WWOX: variants seen among roughly 807,000 people sequenced by gnomAD.
WWOX encodes WW domain-containing oxidoreductase.
In WWOX, 69 loss-of-function variants were observed where a neutral mutation model predicts 46.2. The ratio of observed to expected loss-of-function variants is 1.49; its 90% CI spans 1.23 to 1.82. The LOEUF (loss-of-function observed/expected upper bound fraction) is 1.82, where lower values mean the gene tolerates loss of function less well. WWOX is among the 40% of genes most tolerant of loss of function. The probability of loss-of-function intolerance (pLI) is 0.00; values close to 1 mark genes in which losing one functional copy is unlikely to be tolerated. For synonymous variants in WWOX, 359 were observed against 202.6 expected (o/e 1.77, Z -6.56); for missense variants, 919 against 542.6 (o/e 1.69, Z -6.89).
intron 8 of WWOX, among the ~76,000 whole-genome samples, chr16:78,542,987 C>T (rs954360582): frequency 6.6e-6 from 1 of 152,162 alleles, no homozygotes; most frequent in Admixed American, 6.5e-5. Context: ...TTTTTCCTTT[C>T]ATGGTCTACC....
At chr16:78,534,575 T>A (rs1359614670) in intron 8 of WWOX, 1 of 152,186 alleles carries the variant, frequency 6.6e-6, no homozygotes, top group Non-Finnish European at 1.5e-5. Flanking sequence ...ATTCTGGAAA[T>A]CTTGGAAGGT....
At chr16:79,110,238 A>G (rs887832483) in intron 8 of WWOX, among the ~76,000 whole-genome samples, 2 of 152,130 alleles carry the variant, frequency 1.3e-5, no homozygotes, top group African/African-American at 2.4e-5. Flanking sequence ...GGTTTGACTC[A>G]TGTGATAATT....
intron 8 of WWOX, among the ~76,000 whole-genome samples, chr16:78,563,724 C>T (rs375222423): frequency 1.9e-4 from 29 of 151,938 alleles, no homozygotes; most frequent in African/African-American, 3.6e-4. Context: ...TATTTGTGTC[C>T]TGGTTGGCAG....
chr16:78,583,571 C>T (rs747593263), intron 8 of WWOX, among the ~76,000 whole-genome samples: 1 of 152,110 alleles, frequency 6.6e-6, no homozygotes, highest in Non-Finnish European at 1.5e-5. Context: ...TGAGAGGAGG[C>T]CTTGAAATGT....
intron 5 of WWOX, among the ~76,000 whole-genome samples, chr16:78,217,904 C>A (rs1448801736): frequency 6.6e-6 from 1 of 152,176 alleles, no homozygotes; most frequent in Non-Finnish European, 1.5e-5. Flanking sequence ...AGACTTCATG[C>A]CCTTGGCAAC....
At chr16:78,654,266 G>A (rs773079019) in intron 8 of WWOX, among the ~76,000 whole-genome samples, 118 of 152,204 alleles carry the variant, frequency 7.8e-4, no homozygotes, top group Non-Finnish European at 2.6e-4. Flanking sequence ...GGTAAATGAA[G>A]TCAGCTTAGT....
At chr16:78,486,616 C>T (rs947398888) in intron 8 of WWOX, among the ~76,000 whole-genome samples, 3 of 145,838 alleles carry the variant, frequency 2.1e-5, no homozygotes, top group Non-Finnish European at 4.5e-5. Context: ...ACTCTGTCGC[C>T]CAGGCTGGAG....
chr16:78,724,801 G>A (rs186023197), intron 8 of WWOX, among the ~76,000 whole-genome samples: 2 of 151,906 alleles, frequency 1.3e-5, no homozygotes, highest in African/African-American at 4.8e-5. Context: ...TGATGAAGTT[G>A]TGTGTGTGTG....
chr16:78,866,509 G>C (rs964150344), intron 8 of WWOX, among the ~76,000 whole-genome samples: 1 of 151,998 alleles, frequency 6.6e-6, no homozygotes, highest in Non-Finnish European at 1.5e-5. Flanking sequence ...GTAAAACGAA[G>C]AACAGTTGCT....
chr16:78,767,058 T>C (rs2049939623), intron 8 of WWOX, among the ~76,000 whole-genome samples: 1 of 150,618 alleles, frequency 6.6e-6, no homozygotes, highest in East Asian at 2.0e-4. Flanking sequence ...CTTCCTCTCC[T>C]TCCCTCCCTC....
chr16:78,662,337 C>T (rs953508114), intron 8 of WWOX, among the ~76,000 whole-genome samples: 2 of 152,198 alleles, frequency 1.3e-5, no homozygotes, highest in Non-Finnish European at 2.9e-5. Flanking sequence ...TCTGCATATA[C>T]AGGACTGGAA....
chr16:78,495,711 G>T (rs1005828745), intron 8 of WWOX, among the ~76,000 whole-genome samples: 2 of 151,894 alleles, frequency 1.3e-5, no homozygotes, highest in African/African-American at 4.8e-5. Context: ...GTTTCACCAT[G>T]TTGGCCAGGG....
At chr16:78,991,639 G>C (rs2046889407) in intron 8 of WWOX, among the ~76,000 whole-genome samples, 1 of 145,570 alleles carries the variant, frequency 6.9e-6, no homozygotes, top group African/African-American at 2.5e-5. Context: ...CCTACCAGTG[G>C]TGGGGCCCCT....
At chr16:78,696,273 A>G (rs962142964) in intron 8 of WWOX, among the ~76,000 whole-genome samples, 2 of 152,046 alleles carry the variant, frequency 1.3e-5, no homozygotes, top group Non-Finnish European at 2.9e-5. Context: ...ACATCACGGG[A>G]TTTTCTACAG....
chr16:78,743,624 C>A (rs2049281612), intron 8 of WWOX, among the ~76,000 whole-genome samples: 2 of 152,290 alleles, frequency 1.3e-5, no homozygotes, highest in South Asian at 4.1e-4. Context: ...AACCCCTCCC[C>A]ACTTTTCTGA....
chr16:78,268,282 A>G (rs562911044), intron 5 of WWOX, among the ~76,000 whole-genome samples: 2 of 152,346 alleles, frequency 1.3e-5, no homozygotes, highest in Non-Finnish European at 2.9e-5. Context: ...GGTAAGTAGT[A>G]CAAATTTGAG....
chr16:78,156,108 C>T (rs1399067933), intron 4 of WWOX, among the ~76,000 whole-genome samples: 1 of 152,098 alleles, frequency 6.6e-6, no homozygotes, highest in Non-Finnish European at 1.5e-5. Context: ...ATGTAAGAAC[C>T]AGAGTGTAAT....
chr16:78,223,396 C>T lies in WWOX; in HGVS notation c.516+59107C>T, dbSNP rs187419729. 2.0e-4 allele frequency among the ~76,000 whole-genome samples: 30 copies of T among 152,216 alleles called. No individual in the cohort carries two copies. The East Asian group carries it at 5.6e-3, about 28-fold the overall frequency. On this transcript the variant is annotated intron_variant, in intron 5 of 8. Coordinates refer to ENST00000566780, the MANE Select transcript of WWOX (RefSeq NM_016373.4). ...AAACCCTGCACTTGTGTGGACCATG[C>T]CCTTTTATGCTTTTCAACCTTGAAG...
chr16:78,712,451 G>A (rs1289155140), intron 8 of WWOX, among the ~76,000 whole-genome samples: 10 of 151,450 alleles, frequency 6.6e-5, no homozygotes, highest in African/African-American at 7.3e-5. Context: ...GCAGTCAGCC[G>A]AGATTATACC....
Sources: allele counts gnomAD v4.1 joint callset (sites outside exome capture counted in the v4.1 genomes callset), GRCh38; gene constraint gnomAD v4.1.1; transcripts MANE v1.5; gene names NCBI Gene and HGNC (gene_info 2026-07-23, HGNC 2026-07-21).